Variants in PXDN observed in about 807,000 individuals in gnomAD.
The protein encoded by PXDN is peroxidasin homolog.
A neutral mutation model predicts 140.3 loss-of-function variants in PXDN; 77 were observed. The ratio of observed to expected loss-of-function variants is 0.55; its 90% CI spans 0.46 to 0.66. The LOEUF (loss-of-function observed/expected upper bound fraction) is 0.66, where lower values mean the gene tolerates loss of function less well. Ranked by LOEUF, PXDN falls within the 30% of genes least tolerant of loss-of-function variation. PXDN has a pLI of 0.00. For missense variants in PXDN, 1,838 were observed against 2,039.5 expected (o/e 0.90, Z 1.90); for synonymous variants, 911 against 857.4 (o/e 1.06, Z -1.09).
At chr2:1,657,859 A>G (rs1683183851) in intron 14 of PXDN, among the ~76,000 whole-genome samples, 1 of 139,524 alleles carries the variant, frequency 7.2e-6, no homozygotes, top group Non-Finnish European at 1.5e-5. Flanking sequence ...CCCTCTCCTG[A>G]CAAGGACGTG....
intron 17 of PXDN, among the ~76,000 whole-genome samples, chr2:1,645,614 T>C (rs1429082765): frequency 6.6e-6 from 1 of 152,132 alleles, no homozygotes; most frequent in Non-Finnish European, 1.5e-5. Flanking sequence ...TAAACACAAT[T>C]TTATGTAAAC....
At chr2:1,727,959 AG>A (rs1168998365) in intron 1 of PXDN, among the ~76,000 whole-genome samples, 1 of 152,170 alleles carries the variant, frequency 6.6e-6, no homozygotes, top group Middle Eastern at 3.2e-3. Flanking sequence ...TCTTTGAGAC[AG>A]GGTCTGGCTC....
intron 4 of PXDN, among the ~76,000 whole-genome samples, chr2:1,686,499 C>A (rs1264157770): frequency 6.6e-6 from 1 of 152,198 alleles, no homozygotes; most frequent in Non-Finnish European, 1.5e-5. Flanking sequence ...ATTTTCCGAT[C>A]CACTCAGGAT....
intron 1 of PXDN, among the ~76,000 whole-genome samples, chr2:1,716,386 C>T (rs13400412): frequency 7.3e-6 from 1 of 136,526 alleles, no homozygotes; most frequent in Non-Finnish European, 1.5e-5. Context: ...TGCGGTGAGC[C>T]GAGACCATGC....
At position 1,649,629 on chromosome 2, in the gene PXDN, G is replaced by T; in HGVS notation, c.2151C>A (p.Ile717=). Reference sequence around the variant, plus strand: ...GGGCGGTACAGCCCGACAGGTTTGCGATGAGGTTCAGGTACTGTGGAGACA... The same window carrying T: ...GGGCGGTACAGCCCGACAGGTTTGCTATGAGGTTCAGGTACTGTGGAGACA... ...DLVSPQYLNL[I]ANLSGCTAHR... Residue 717 remains isoleucine (I), a synonymous_variant, in exon 17 of 23, where the codon ATC becomes ATA. Transcript: ENST00000252804. The surrounding 1 kb of genome is among the most constrained non-coding windows in gnomAD (Gnocchi z 7.1). 1 of 1,613,998 alleles carries T rather than the reference G, an allele frequency of 6.2e-7. No individual in the cohort carries two copies. The highest frequency in any genetic ancestry group is 8.5e-7 in the Non-Finnish European group (1 of 1,179,878).
chr2:1,693,878 C>A (rs1232838645), intron 1 of PXDN, among the ~76,000 whole-genome samples: 1 of 152,186 alleles, frequency 6.6e-6, no homozygotes, highest in African/African-American at 2.4e-5. Flanking sequence ...TCAGGCAGAG[C>A]AAGCTGGGAG....
Position 1,677,324 on chromosome 2 carries a change from G to A in PXDN, c.731-280C>T, listed in dbSNP as rs78134387. Reference sequence around the variant, plus strand: ...CAGACAGCCCCAAATGACAGCCTTCGGCGTCCCCTCGAGGCCCTCTGGGAA... The same window carrying A: ...CAGACAGCCCCAAATGACAGCCTTCAGCGTCCCCTCGAGGCCCTCTGGGAA... On this transcript the variant is annotated intron_variant, in intron 7 of 22. Coordinates refer to ENST00000252804, the MANE Select transcript of PXDN (RefSeq NM_012293.3). Among the ~76,000 whole-genome samples the A allele has an allele frequency of 5.6e-3, 855 of 152,308 alleles. 8 individuals carry two copies. Among genetic ancestry groups the A allele is most frequent in the African/African-American group, 0.019 (789 of 41,566 alleles).
rs374907262 is a variant in PXDN at position 1,649,039 on chromosome 2, T to A, written c.2741A>T (p.Asn914Ile). Reference sequence around the variant, plus strand: ...CTCATGCTCCGTGCTCCCGTACACGTTGGATGCGTCTATGTAGGAGGTGAG... The same window carrying A: ...CTCATGCTCCGTGCTCCCGTACACGATGGATGCGTCTATGTAGGAGGTGAG... Reference protein sequence around the residue: ...NQLTSYIDASNVYGSTEHEAR... With the variant: ...NQLTSYIDASIVYGSTEHEAR... Residue 914 changes from asparagine to isoleucine, a missense_variant, in exon 17 of 23, where the codon AAC (asparagine) becomes ATC (isoleucine). Physicochemically the swap from Asn to Ile is moderately radical, Grantham distance 149. Coordinates refer to ENST00000252804, the MANE Select transcript of PXDN (RefSeq NM_012293.3). The surrounding 1 kb of genome is among the most constrained non-coding windows in gnomAD (Gnocchi z 7.1). The A allele has an allele frequency of 1.2e-6, 2 of 1,612,540 alleles. No individual in the cohort carries two copies. The highest frequency in any genetic ancestry group is 4.5e-5 in the East Asian group (2 of 44,820).
rs554886075 is a variant in PXDN at position 1,651,966 on chromosome 2, C to T, written c.2104+1662G>A. 2.0e-4 allele frequency among the ~76,000 whole-genome samples: 30 copies of T among 152,304 alleles called. No individual in the cohort carries two copies. The East Asian group carries it at 2.5e-3, about 13-fold the overall frequency. On this transcript the variant is annotated intron_variant, in intron 16 of 22. Transcript: ENST00000252804. This position sits in a 1 kb window ranked among gnomAD's most constrained non-coding sequence, Gnocchi z 4.4. ...GGTGTGCCCTGACAGGCAGGTGGAA[C>T]GAATAAGTGAAGAAATGAGTGCCTG... is the stretch of plus-strand genomic sequence containing the variant.
At chr2:1,686,989 A>G (rs188686119) in intron 4 of PXDN, among the ~76,000 whole-genome samples, 9 of 152,334 alleles carry the variant, frequency 5.9e-5, no homozygotes, top group Non-Finnish European at 1.0e-4. Context: ...TGACTGGCCG[A>G]GCAAACAAAC....
At chr2:1,640,725 C>T (rs1045332460) in intron 19 of PXDN, among the ~76,000 whole-genome samples, 2 of 152,214 alleles carry the variant, frequency 1.3e-5, no homozygotes, top group Admixed American at 6.5e-5. Flanking sequence ...ACTACCGCAG[C>T]CCCTCCCAGC....
chr2:1,662,681 C>T (rs868841571), intron 12 of PXDN, among the ~76,000 whole-genome samples: 9 of 152,224 alleles, frequency 5.9e-5, no homozygotes, highest in African/African-American at 1.9e-4. Flanking sequence ...ATCCCACCCC[C>T]GCATTCTCTA....
intron 18 of PXDN, 83 bp from the exon 19 acceptor site, chr2:1,643,659 CT>C: frequency 6.9e-7 from 1 of 1,448,172 alleles, no homozygotes. Flanking sequence ...ATCTCCCCTG[CT>C]TAGTTCACAG....
At chr2:1,692,541 A>C (rs1315209326) in intron 2 of PXDN, 3 of 471,798 alleles carry the variant, frequency 6.4e-6, no homozygotes, top group Non-Finnish European at 1.3e-5. Context: ...CGTTGTGCTC[A>C]GTCCTGGTGC....
At chr2:1,723,672 A>T (rs535081085) in intron 1 of PXDN, among the ~76,000 whole-genome samples, 2 of 152,144 alleles carry the variant, frequency 1.3e-5, no homozygotes, top group South Asian at 4.2e-4. Flanking sequence ...GAATGAATGG[A>T]TTAATGGATG....
rs753095408 is a variant in PXDN at position 1,648,993 on chromosome 2, C to G, written c.2787G>C (p.Leu929=). ...TEHEARSIRD[L]ASHRGLLRQG... is the part of the protein sequence containing the mutation. The stretch of plus-strand genomic sequence containing the variant: ...GCCGCAGCAGGCCGCGGTGGCTGGC[C>G]AGGTCGCGGATGCTGCGGGCCTCAT... Residue 929 remains leucine, a synonymous_variant, in exon 17 of 23, where the codon CTG becomes CTC. Coordinates refer to ENST00000252804, the MANE Select transcript of PXDN (RefSeq NM_012293.3). The surrounding 1 kb of genome is among the most constrained non-coding windows in gnomAD (Gnocchi z 8.9). 1 of 1,611,466 alleles carries G rather than the reference C, an allele frequency of 6.2e-7. No individual in the cohort carries two copies. Among genetic ancestry groups the G allele is most frequent in the East Asian group, 2.2e-5 (1 of 44,802 alleles).
intron 1 of PXDN, among the ~76,000 whole-genome samples, chr2:1,698,367 C>T (rs988553081): frequency 6.6e-6 from 1 of 152,096 alleles, no homozygotes; most frequent in Non-Finnish European, 1.5e-5. Context: ...AGGGAACCCT[C>T]GAGAGCTCCC....
At chr2:1,634,583 C>T (rs1682499920) in intron 22 of PXDN, among the ~76,000 whole-genome samples, 1 of 152,178 alleles carries the variant, frequency 6.6e-6, no homozygotes, top group Non-Finnish European at 1.5e-5. Context: ...TCCGTCCATG[C>T]CCACGGTCCT....
chr2:1,685,076 TG>T lies in PXDN; in HGVS notation c.417-926del, dbSNP rs1228495119. Reference sequence around the variant, plus strand: ...AACGCACGCCTGAGAATCAGGTCTGTGGACATCCTGAGATCACCGTCACCAC... The same window carrying T: ...AACGCACGCCTGAGAATCAGGTCTGTGACATCCTGAGATCACCGTCACCAC... On this transcript the variant is annotated intron_variant, in intron 4 of 22. Transcript: ENST00000252804. This position sits in a 1 kb window ranked among gnomAD's most constrained non-coding sequence, Gnocchi z 5.1. Among the ~76,000 whole-genome samples, 1 of 152,212 alleles carries T rather than the reference TG, an allele frequency of 6.6e-6. No individual in the cohort carries two copies. The highest frequency in any genetic ancestry group is 1.5e-5 in the Non-Finnish European group (1 of 68,032).
Sources: gnomAD v4.1 joint callset for allele counts (sites outside exome capture counted in the v4.1 genomes callset) on GRCh38, gnomAD v4.1.1 for gene constraint, Gnocchi (gnomAD v3.1) non-coding constraint, MANE v1.5 for transcripts, NCBI Gene and HGNC (gene_info 2026-07-23, HGNC 2026-07-21) for gene names.